Variants in PDCD1LG2 observed in about 807,000 individuals in gnomAD.
PDCD1LG2 encodes B7 dendritic cell molecule.
A neutral mutation model predicts 28.2 loss-of-function variants in PDCD1LG2; 32 were observed. The ratio of observed to expected loss-of-function variants is 1.13; its 90% confidence interval spans 0.86 to 1.52. PDCD1LG2 has a LOEUF of 1.52. Among genes scored for constraint, PDCD1LG2 ranks in the 40% most tolerant of loss-of-function variants. The pLI, the probability that PDCD1LG2 is intolerant of heterozygous loss-of-function variation, is 0.00. For missense variants in PDCD1LG2, 385 were observed against 323.8 expected (o/e 1.19, Z -1.45); for synonymous variants, 116 against 120.2 (o/e 0.97, Z 0.23).
chr9:5,550,589 G>C (rs1816309573), intron 4 of PDCD1LG2, among the ~76,000 whole-genome samples: 1 of 152,098 alleles, frequency 6.6e-6, no homozygotes, highest in African/African-American at 2.4e-5. Flanking sequence ...GTCTTTTCCA[G>C]CTGCTAGAGG....
intron 5 of PDCD1LG2, among the ~76,000 whole-genome samples, chr9:5,560,507 T>TC (rs1406650387): frequency 5.9e-5 from 9 of 152,150 alleles, no homozygotes; most frequent in Non-Finnish European, 1.0e-4. Context: ...TTCTTATGGT[T>TC]CCCCAACACA....
intron 3 of PDCD1LG2, among the ~76,000 whole-genome samples, chr9:5,536,973 T>TA (rs1448512039): frequency 6.6e-6 from 1 of 152,234 alleles, no homozygotes; most frequent in Admixed American, 6.5e-5. Context: ...TCCCAGGGTG[T>TA]AAAACCCTCT....
chr9:5,567,311 A>G (rs1437508258), intron 6 of PDCD1LG2, among the ~76,000 whole-genome samples: 1 of 152,242 alleles, frequency 6.6e-6, no homozygotes, highest in Admixed American at 6.5e-5. Flanking sequence ...AGGTCATATC[A>G]TAACTTACTG....
chr9:5,544,992 G>A (rs67919113), intron 3 of PDCD1LG2, among the ~76,000 whole-genome samples: 22,949 of 152,156 alleles, frequency 0.15, 2,237 homozygotes, highest in East Asian at 0.27. Flanking sequence ...AAATGGGTCT[G>A]AAGACTGTAT....
chr9:5,535,817 C>G (rs1392968614), intron 3 of PDCD1LG2, among the ~76,000 whole-genome samples: 1 of 152,170 alleles, frequency 6.6e-6, no homozygotes, highest in Admixed American at 6.5e-5. Context: ...CTCTCCACTC[C>G]AGCACAATTG....
At chr9:5,560,692 C>T (rs144594426) in intron 5 of PDCD1LG2, among the ~76,000 whole-genome samples, 1 of 152,272 alleles carries the variant, frequency 6.6e-6, no homozygotes, top group East Asian at 1.9e-4. Context: ...CATTGGTATC[C>T]TGAATTTCTT....
rs187942980 is a variant in PDCD1LG2, at chr9:5,546,883, G to A, written c.362-2452G>A. Among the ~76,000 whole-genome samples, 39 of 152,298 alleles carry A rather than the reference G, an allele frequency of 2.6e-4. 1 individual carries two copies. The East Asian group carries it at 6.0e-3, about 23-fold the overall frequency. On this transcript the variant is annotated intron_variant, in intron 3 of 6. Transcript: ENST00000397747. ...CTGGGTGTGCTGACCACATGGAGAC[G>A]AGAACTTCAAGGGAGAGCCAAAGTG...
intron 3 of PDCD1LG2, among the ~76,000 whole-genome samples, chr9:5,542,661 G>C (rs532088767): frequency 6.6e-6 from 1 of 152,156 alleles, no homozygotes; most frequent in Non-Finnish European, 1.5e-5. Context: ...CTGCAAGAAT[G>C]GCCATAACAA....
At chr9:5,562,592 C>T (rs1044913505) in intron 5 of PDCD1LG2, among the ~76,000 whole-genome samples, 2 of 151,964 alleles carry the variant, frequency 1.3e-5, no homozygotes, top group African/African-American at 4.8e-5. Flanking sequence ...CACCAGTATA[C>T]AATTCATCCA....
intron 6 of PDCD1LG2, among the ~76,000 whole-genome samples, chr9:5,568,117 T>G (rs933199681): frequency 1.3e-5 from 2 of 152,160 alleles, no homozygotes; most frequent in Non-Finnish European, 2.9e-5. Context: ...TAGACAGAAC[T>G]CCTACATGTC....
At chr9:5,528,694 C>T (rs550108236) in intron 2 of PDCD1LG2, among the ~76,000 whole-genome samples, 60 of 152,142 alleles carry the variant, frequency 3.9e-4, no homozygotes, top group Admixed American at 5.9e-4. Context: ...AGGAATTAAA[C>T]GATTGTTTAA....
At position 5,553,251 on chromosome 9, in the gene PDCD1LG2, C is replaced by G. The variant is rs549233566; in HGVS notation, c.631+3647C>G. Among the ~76,000 whole-genome samples, 28 of 152,340 alleles carry G rather than the reference C, an allele frequency of 1.8e-4. 1 individual carries two copies. The highest frequency in any genetic ancestry group is 6.5e-4 in the African/African-American group (27 of 41,578). On this transcript the variant is annotated intron_variant, in intron 4 of 6. Coordinates refer to ENST00000397747, the MANE Select transcript of PDCD1LG2 (RefSeq NM_025239.4). ...GTTGGTCTTTCAACATTCTCTACCT[C>G]TCTTTATATCATGGTTGAGACCACA...
chr9:5,536,572 C>G (rs1820584184), intron 3 of PDCD1LG2, among the ~76,000 whole-genome samples: 1 of 152,198 alleles, frequency 6.6e-6, no homozygotes. Context: ...CCCTAAATCA[C>G]CACCTCTGTT....
At chr9:5,550,245 T>A (rs1301732908) in intron 4 of PDCD1LG2, among the ~76,000 whole-genome samples, 5 of 152,204 alleles carry the variant, frequency 3.3e-5, no homozygotes, top group Admixed American at 6.5e-5. Context: ...CTTTACTGAC[T>A]ATGCTGGATA....
intron 3 of PDCD1LG2, among the ~76,000 whole-genome samples, chr9:5,537,559 A>G (rs1043589992): frequency 2.0e-5 from 3 of 152,260 alleles, no homozygotes; most frequent in African/African-American, 7.2e-5. Flanking sequence ...ATAAAAAATG[A>G]TGAGTTCATG....
chr9:5,517,559 C>T (rs6476985), intron 1 of PDCD1LG2, among the ~76,000 whole-genome samples: 41,541 of 152,136 alleles, frequency 0.27, 8,856 homozygotes, highest in African/African-American at 0.58. Flanking sequence ...GAGTGAAATG[C>T]TGAGCCATCG....
At chr9:5,540,899 G>T (rs1054287132) in intron 3 of PDCD1LG2, among the ~76,000 whole-genome samples, 2 of 151,962 alleles carry the variant, frequency 1.3e-5, no homozygotes, top group African/African-American at 4.8e-5. Flanking sequence ...AACCAGGGAA[G>T]GACATAACAA....
chr9:5,524,398 T>C (rs1015969257), intron 2 of PDCD1LG2, among the ~76,000 whole-genome samples: 1 of 152,246 alleles, frequency 6.6e-6, no homozygotes. Context: ...AAAAAATATG[T>C]GTAATGAATT....
At chr9:5,561,400 A>T (rs535837974) in intron 5 of PDCD1LG2, among the ~76,000 whole-genome samples, 1 of 152,230 alleles carries the variant, frequency 6.6e-6, no homozygotes, top group Non-Finnish European at 1.5e-5. Flanking sequence ...TGGAGTTAAG[A>T]AAGTGAGGCT....
Sources: allele counts gnomAD v4.1 joint callset (sites outside exome capture counted in the v4.1 genomes callset), GRCh38; gene constraint gnomAD v4.1.1; transcripts MANE v1.5; gene names NCBI Gene and HGNC (gene_info 2026-07-23, HGNC 2026-07-21).